The following AKR7A2 variants were observed in gnomAD, a reference collection of about 807,000 sequenced individuals.
AKR7A2 encodes aldo-keto reductase family 7 member A2, also known as aflatoxin B1 aldehyde reductase member 2.
In AKR7A2, 29 loss-of-function variants were observed where a neutral mutation model predicts 37.3. The observed-to-expected ratio is 0.78, with a 90% CI of 0.58 to 1.06. AKR7A2 has a LOEUF of 1.06. AKR7A2 is among the 50% of genes least tolerant of loss of function. The pLI, the probability that AKR7A2 is intolerant of heterozygous loss-of-function variation, is 0.00. For synonymous variants in AKR7A2, 228 were observed against 217.8 expected (o/e 1.05, Z -0.41); for missense variants, 529 against 497.9 (o/e 1.06, Z -0.59).
At position 19,306,149 on chromosome 1, in the gene AKR7A2, T is replaced by G. The variant is rs746994137; in HGVS notation, c.789-2A>C. 1 of 1,614,168 alleles carries G rather than the reference T, an allele frequency of 6.2e-7. No individual in the cohort carries two copies. The highest frequency in any genetic ancestry group is 8.5e-7 in the Non-Finnish European group (1 of 1,180,004). On this transcript the variant is annotated splice_acceptor_variant, in intron 5 of 6. Coordinates refer to ENST00000235835, the MANE Select transcript of AKR7A2 (RefSeq NM_003689.4). LOFTEE classifies it high-confidence loss of function. Reference sequence around the variant, plus strand: ...TCGAAGTGGTGCTCCTTCCAGAAGCTGTGCAGAGGGGATGTTAGCACAGGG... The same window carrying G: ...TCGAAGTGGTGCTCCTTCCAGAAGCGGTGCAGAGGGGATGTTAGCACAGGG...
In AKR7A2 at chr1:19,311,875, T is replaced by G. The variant is rs996954525; in HGVS notation, c.250A>C (p.Thr84Pro). ...CCGAGCCCCAGGCCGCCCAGGATGG[T>G]CTCGGACTGGCCGTCGCTGTACATG... ...AFMYSDGQSE[T>P]ILGGLGLGLG... The change falls in exon 1 of 7, where the codon ACC becomes CCC. Residue 84 changes from threonine to proline, a missense_variant. By Grantham distance (38) the Thr-to-Pro change is conservative. Transcript: ENST00000235835. 3 of 1,610,648 alleles carry G rather than the reference T, an allele frequency of 1.9e-6. No homozygotes were observed. In the South Asian group the frequency reaches 3.3e-5, roughly 18 times the overall value.
chr1:19,305,433 G>C (rs1157377772), intron 6 of AKR7A2, among the ~76,000 whole-genome samples: 8 of 152,102 alleles, frequency 5.3e-5, no homozygotes, highest in African/African-American at 1.9e-4. Flanking sequence ...GACCTCCCAG[G>C]CTCAAGCCAT....
chr1:19,311,655 A>G (rs548751885), intron 1 of AKR7A2, among the ~76,000 whole-genome samples, 172 bp downstream of exon 1: 2 of 152,240 alleles, frequency 1.3e-5, no homozygotes, highest in African/African-American at 4.8e-5. Flanking sequence ...AGTCAGGGCA[A>G]AGCACTGTCT....
In AKR7A2 at chr1:19,310,591, G is replaced by A. The variant is rs139714447; in HGVS notation, c.298+1236C>T. ...TGTGCACCTGTAATCCCAGTTACTT[G>A]GGAGGCTGAGGCAGAGGTTGCAGTG... On this transcript the variant is annotated intron_variant, in intron 1 of 6. Coordinates refer to ENST00000235835, the MANE Select transcript of AKR7A2 (RefSeq NM_003689.4). Among the ~76,000 whole-genome samples the A allele has an allele frequency of 6.6e-5, 10 of 152,186 alleles. No homozygotes were observed. The East Asian group carries it at 1.9e-3, about 29-fold the overall frequency.
At position 19,308,440 on chromosome 1, in the gene AKR7A2, G is replaced by A. The variant is rs773476455; in HGVS notation, c.486+15C>T. 1.3e-5 allele frequency: 21 copies of A among 1,612,794 alleles called. No individual in the cohort carries two copies. Among genetic ancestry groups the A allele is most frequent in the Middle Eastern group, 1.8e-4 (1 of 5,462 alleles). On this transcript the variant is annotated intron_variant, in intron 2 of 6. Transcript: ENST00000235835. ...GAGCAGGAGCCCACCTTTGGAGCTC[G>A]GAGGGCCCCCTCACCTCCTGGTGCA...
chr1:19,311,037 C>T (rs1252345121), intron 1 of AKR7A2, among the ~76,000 whole-genome samples: 1 of 152,220 alleles, frequency 6.6e-6, no homozygotes, highest in Non-Finnish European at 1.5e-5. Context: ...CAAGTCTTTG[C>T]ACAGACTCTA....
rs760634979 is a variant in AKR7A2, at chr1:19,304,393, G to A, written c.919-7C>T. 1.9e-6 allele frequency: 3 copies of A among 1,613,964 alleles called. No individual in the cohort carries two copies. The highest frequency in any genetic ancestry group is 2.2e-5 in the East Asian group (1 of 44,880). On this transcript the variant is annotated splice_region_variant and splice_polypyrimidine_tract_variant and intron_variant, in intron 6 of 6. Transcript: ENST00000235835. ...CCGCGTCCCCGTGGGCACCCTGCAA[G>A]GGAGACGGCCAGACTTCAACCCTCT...
chr1:19,308,390 A>G (rs2093765908), intron 2 of AKR7A2, 65 bp downstream of exon 2: 2 of 1,599,140 alleles, frequency 1.3e-6, no homozygotes, highest in Admixed American at 1.7e-5. Context: ...CTCTGCTCTC[A>G]TGAGTAGGAT....
At chr1:19,305,061 T>C (rs567441650) in intron 6 of AKR7A2, 1 of 158,302 alleles carries the variant, frequency 6.3e-6, no homozygotes, top group South Asian at 1.8e-4. Flanking sequence ...TAGTGCGGTG[T>C]GGTGGTGGCA....
intron 6 of AKR7A2, among the ~76,000 whole-genome samples, chr1:19,305,399 G>A (rs1294490993): frequency 6.6e-6 from 1 of 152,158 alleles, no homozygotes; most frequent in Non-Finnish European, 1.5e-5. Context: ...GTGCAGTGGT[G>A]TAATCTCAGC....
In AKR7A2 at chr1:19,312,077, G is replaced by T; in HGVS notation, c.48C>A (p.Cys16Ter). The change falls in exon 1 of 7, where the codon TGC becomes TGA. Residue 16 changes from cysteine (C) to a stop codon, truncating the protein, a stop_gained. Coordinates refer to ENST00000235835, the MANE Select transcript of AKR7A2 (RefSeq NM_003689.4). LOFTEE classifies it high-confidence loss of function. ...SRVVSRAAVHCALRSPPPEAR... is the reference protein window; with the variant it reads ...SRVVSRAAVH ...CCTCGGGCGGCGGAGAGCGAAGCGC[G>T]CAGTGGACGGCGGCGCGGGAGACTA... 3 of 1,348,360 alleles carry T rather than the reference G, an allele frequency of 2.2e-6. No homozygotes were observed. Among genetic ancestry groups the T allele is most frequent in the Admixed American group, 7.9e-5 (2 of 25,424 alleles). 83.5% of individuals were successfully genotyped at this position (1,348,360 alleles called of 1,614,324 possible). A position where few individuals can be genotyped will look rare whatever the true frequency, so the allele number is the denominator to read the frequency against.
chr1:19,306,633 T>C (rs1254490860), intron 5 of AKR7A2, among the ~76,000 whole-genome samples: 1 of 150,734 alleles, frequency 6.6e-6, no homozygotes, highest in Non-Finnish European at 1.5e-5. Flanking sequence ...GTAGAGACCA[T>C]GTTGCCCAGG....
rs755213636 is a variant in AKR7A2, at chr1:19,304,190, C to T, written c.*35G>A. ...CAGTGTGAGAGAACAAAAGAGGTGA[C>T]AGAAAAGCCTTGGGCAGCCTGAGCC... On this transcript the variant is annotated 3_prime_UTR_variant, in exon 7 of 7. Transcript: ENST00000235835. 4 of 1,614,194 alleles carry T rather than the reference C, an allele frequency of 2.5e-6. No homozygotes were observed. The highest frequency in any genetic ancestry group is 1.6e-4 in the Middle Eastern group (1 of 6,062).
In AKR7A2 at chr1:19,308,153, C is replaced by T. The variant is rs1327215111; in HGVS notation, c.591+5G>A. On this transcript the variant is annotated splice_donor_5th_base_variant and intron_variant, in intron 3 of 6. Coordinates refer to ENST00000235835, the MANE Select transcript of AKR7A2 (RefSeq NM_003689.4). Reference sequence around the variant, plus strand: ...GACCTTGGCCTCTGCAGCCCCGGCCCTCACCTGGTACACAGTGGGCAGGAT... The same window carrying T: ...GACCTTGGCCTCTGCAGCCCCGGCCTTCACCTGGTACACAGTGGGCAGGAT... 4 of 1,614,012 alleles carry T rather than the reference C, an allele frequency of 2.5e-6. No homozygotes were observed. In the Admixed American group the frequency reaches 6.7e-5, roughly 27 times the overall value.
In AKR7A2 at chr1:19,306,067, C is replaced by G. The variant is rs145730289; in HGVS notation, c.869G>C (p.Ser290Thr). 2 of 1,614,040 alleles carry G rather than the reference C, an allele frequency of 1.2e-6. No homozygotes were observed. Among genetic ancestry groups the G allele is most frequent in the South Asian group, 2.2e-5 (2 of 91,088 alleles). Residue 290 changes from serine (S) to threonine (T), a missense_variant, in exon 6 of 7, where the codon AGT becomes ACT. Physicochemically the swap from Ser to Thr is moderately conservative, Grantham distance 58 (BLOSUM62 1). Coordinates refer to ENST00000235835, the MANE Select transcript of AKR7A2 (RefSeq NM_003689.4). ...CCACCGGAGGGCAGCCGAGGTCACA[C>G]TGGGGGCGCTGGCGCCATATGCGGC... ...LQAAYGASAPSVTSAALRWMY... is the reference protein window; with the variant it reads ...LQAAYGASAPTVTSAALRWMY...
chr1:19,304,704 G>C (rs2093758146), intron 6 of AKR7A2, among the ~76,000 whole-genome samples: 2 of 152,166 alleles, frequency 1.3e-5, no homozygotes, highest in East Asian at 3.8e-4. Flanking sequence ...GGGAGGTCAA[G>C]GTGGGAAGAA....
intron 5 of AKR7A2, 65 bp downstream of exon 5, chr1:19,306,937 G>A: frequency 7.1e-7 from 1 of 1,414,538 alleles, no homozygotes; most frequent in Non-Finnish European, 1.0e-6. Context: ...GAACAGCCCA[G>A]GACTTCATTC....
intron 6 of AKR7A2, among the ~76,000 whole-genome samples, chr1:19,304,672 A>G (rs578188201): frequency 8.5e-5 from 13 of 152,322 alleles, no homozygotes; most frequent in African/African-American, 3.1e-4. Flanking sequence ...ACAGAGGCTC[A>G]TGCCTGCAAT....
intron 6 of AKR7A2, 129 bp from the exon 7 acceptor site, chr1:19,304,515 G>T: frequency 6.6e-7 from 1 of 1,521,158 alleles, no homozygotes; most frequent in South Asian, 1.1e-5. Flanking sequence ...GTCCAGAAAG[G>T]ACTTAAGGTG....
Sources: gnomAD v4.1 joint callset for allele counts (sites outside exome capture counted in the v4.1 genomes callset) on GRCh38, gnomAD v4.1.1 for gene constraint, MANE v1.5 for transcripts, NCBI Gene and HGNC (gene_info 2026-07-23, HGNC 2026-07-21) for gene names.